Variants in KIRREL2 observed in about 807,000 individuals in gnomAD.
The protein encoded by KIRREL2 is kirre like nephrin family adhesion molecule 2, also known as kin of IRRE-like protein 2.
In KIRREL2, 56 loss-of-function variants were observed where a neutral mutation model predicts 73.4. The ratio of observed to expected loss-of-function variants is 0.76; its 90% CI spans 0.62 to 0.95. The LOEUF (loss-of-function observed/expected upper bound fraction) is 0.95, where lower values mean the gene tolerates loss of function less well. Ranked by LOEUF, KIRREL2 falls within the 40% of genes least tolerant of loss-of-function variation. KIRREL2 has a pLI of 0.00. For missense variants in KIRREL2, 896 were observed against 935.0 expected (o/e 0.96, Z 0.54); for synonymous variants, 407 against 404.0 (o/e 1.01, Z -0.09).
At chr19:35,859,658 G>C in intron 5 of KIRREL2, 27 bp downstream of exon 5, 2 of 1,611,168 alleles carry the variant, frequency 1.2e-6, no homozygotes, top group Non-Finnish European at 1.7e-6. Flanking sequence ...CTGGGAAAGA[G>C]GGGTGTGGGG....
chr19:35,863,747 C>T (rs1191031600), intron 13 of KIRREL2, among the ~76,000 whole-genome samples: 4 of 151,858 alleles, frequency 2.6e-5, no homozygotes, highest in Non-Finnish European at 4.4e-5. Context: ...CCTCCACGCC[C>T]GGCCTGAGGG....
upstream of KIRREL2, chr19:35,856,701 C>T (rs1307538704): frequency 2.9e-6 from 1 of 346,818 alleles, no homozygotes; most frequent in Non-Finnish European, 5.5e-6. The surrounding 1 kb of genome is among the most constrained non-coding windows in gnomAD (Gnocchi z 5.9). Flanking sequence ...GGTGTCCAAC[C>T]CAGCCGGGAC....
chr19:35,864,863 G>GC, intron 14 of KIRREL2, 150 bp downstream of exon 14: 2 of 627,370 alleles, frequency 3.2e-6, no homozygotes, highest in Non-Finnish European at 5.7e-6. Context: ...CACTCCTCCT[G>GC]CCCCCTGGGC....
At position 35,862,003 on chromosome 19, in the gene KIRREL2, C is replaced by T. The variant is rs771987056; in HGVS notation, c.1489C>T (p.Gln497Ter). Residue 497 changes from glutamine (Q) to a stop codon, truncating the protein, a stop_gained, in exon 11 of 15, where the codon CAG becomes TAG. Transcript: ENST00000360202. LOFTEE classifies it high-confidence loss of function. The part of the protein sequence containing the change: ...ARNRLGEGGA[Q>*]ASLGRRDLLP... ...GAACCGGCTGGGCGAGGGAGGTGCC[C>T]AGGCCAGCCTGGGCCGTAGAGGTGA... 8.1e-6 allele frequency: 13 copies of T among 1,610,598 alleles called. No homozygotes were observed. The highest frequency in any genetic ancestry group is 2.7e-5 in the African/African-American group (2 of 74,898).
chr19:35,866,067 G>T (rs1293595748), intron 14 of KIRREL2, 90 bp from the exon 15 acceptor site: 1 of 1,254,796 alleles, frequency 8.0e-7, no homozygotes, highest in Non-Finnish European at 1.1e-6. Flanking sequence ...CTCTCTCAAG[G>T]TCTGGTCTAT....
chr19:35,859,323 A>G (rs1973562096), intron 4 of KIRREL2, among the ~76,000 whole-genome samples, 158 bp from the exon 5 acceptor site: 1 of 152,172 alleles, frequency 6.6e-6, no homozygotes, highest in African/African-American at 2.4e-5. Context: ...TTCTTAAAAC[A>G]TTATGAGACT....
upstream of KIRREL2, chr19:35,856,827 G>T: frequency 2.0e-6 from 1 of 497,044 alleles, no homozygotes; most frequent in South Asian, 2.3e-5. The surrounding 1 kb of genome is among the most constrained non-coding windows in gnomAD (Gnocchi z 5.9). Context: ...TCAGCCGCGG[G>T]AGTTTCTCAA....
In KIRREL2 at chr19:35,862,093, CG is replaced by C; in HGVS notation, c.1510+70del. The C allele has an allele frequency of 2.2e-6, 3 of 1,380,322 alleles. No homozygotes were observed. The Admixed American group carries it at 6.4e-5, about 29-fold the overall frequency. 85.5% of individuals were successfully genotyped at this position (1,380,322 alleles called of 1,614,324 possible). A position where few individuals can be genotyped will look rare whatever the true frequency, so the allele number is the denominator to read the frequency against. On this transcript the variant is annotated intron_variant, in intron 11 of 14. Transcript: ENST00000360202. ...CCCACAAACGCAGGGATCCCCCAGC[CG>C]AGGGCTGCAAAACCTCATACCCTCA...
chr19:35,854,404 C>T (rs1483085698), upstream of KIRREL2, among the ~76,000 whole-genome samples: 1 of 148,896 alleles, frequency 6.7e-6, no homozygotes, highest in African/African-American at 2.5e-5. Context: ...TCACTGCAAC[C>T]TCTGCCTCCC....
At chr19:35,851,537 G>T (rs745815470), upstream of KIRREL2, 1 of 1,613,842 alleles carries the variant, frequency 6.2e-7, no homozygotes, top group South Asian at 1.1e-5. Flanking sequence ...CCCATCTTTG[G>T]CCCATTGCAC....
intron 4 of KIRREL2, among the ~76,000 whole-genome samples, 175 bp from the exon 5 acceptor site, chr19:35,859,306 A>G (rs1201736286): frequency 1.3e-5 from 2 of 152,256 alleles, no homozygotes; most frequent in East Asian, 3.8e-4. Flanking sequence ...CCACAAATTC[A>G]TAAACTTTCT....
intron 7 of KIRREL2, 49 bp from the exon 8 acceptor site, chr19:35,860,860 G>A: frequency 6.2e-7 from 1 of 1,611,176 alleles, no homozygotes; most frequent in Admixed American, 1.7e-5. Flanking sequence ...TCCCAGGTCA[G>A]TGGCTGCATT....
chr19:35,857,252 C>T, intron 1 of KIRREL2, 72 bp downstream of exon 1: 1 of 1,603,928 alleles, frequency 6.2e-7, no homozygotes, highest in South Asian at 1.1e-5. Context: ...TCTTCACTAG[C>T]GAGAAGGGAG....
At chr19:35,862,734 G>C (rs1973761622) in intron 12 of KIRREL2, 137 bp downstream of exon 12, 1 of 735,340 alleles carries the variant, frequency 1.4e-6, no homozygotes. Flanking sequence ...TCTCCTTCAC[G>C]TTCTGGTTCC....
In KIRREL2 at chr19:35,860,822, G is replaced by C. The variant is rs1973637452; in HGVS notation, c.929-87G>C. 5 of 1,601,688 alleles carry C rather than the reference G, an allele frequency of 3.1e-6. No individual in the cohort carries two copies. In the East Asian group the frequency reaches 1.1e-4, roughly 36 times the overall value. On this transcript the variant is annotated intron_variant, in intron 7 of 14. Transcript: ENST00000360202. The stretch of plus-strand genomic sequence containing the variant: ...TGGGGCATATTCTTGCGCCCTAGAG[G>C]GTGTGGTGTTTCTGTGGGGCTGGCT...
chr19:35,864,129 C>A (rs1400521915), intron 13 of KIRREL2, among the ~76,000 whole-genome samples: 4 of 151,884 alleles, frequency 2.6e-5, no homozygotes, highest in African/African-American at 9.7e-5. Flanking sequence ...AAGTCCATGC[C>A]CCTGACCCAA....
At chr19:35,866,021 G>T in intron 14 of KIRREL2, 136 bp from the exon 15 acceptor site, 2 of 775,202 alleles carry the variant, frequency 2.6e-6, no homozygotes, top group East Asian at 2.5e-5. Context: ...GTCCATGTGT[G>T]TCTCTGTGTC....
chr19:35,861,219 G>A lies in KIRREL2; in HGVS notation c.1154G>A (p.Arg385Gln). 6.5e-7 allele frequency: 1 copy of A among 1,539,152 alleles called. No homozygotes were observed. Among genetic ancestry groups the A allele is most frequent in the Non-Finnish European group, 8.7e-7 (1 of 1,151,636 alleles). Residue 385 changes from arginine to glutamine, a missense_variant, in exon 9 of 15, where the codon CGG (arginine) becomes CAG (glutamine). By Grantham distance (43) the Arg-to-Gln change is conservative. Transcript: ENST00000360202. ...CRAEAGLSGL[R>Q]GGAAEARLTV... ...GCTGAGGCTGGGCTATCGGGCCTGC[G>A]GGGCGGCGCCGCGGAGGCTCGGCTG... is the stretch of plus-strand genomic sequence containing the variant.
Position 35,860,965 on chromosome 19 carries a change from G to T in KIRREL2, c.985G>T (p.Ala329Ser). The change falls in exon 8 of 15, where the codon GCT becomes TCT. Residue 329 changes from alanine to serine, a missense_variant. By Grantham distance (99) the Ala-to-Ser change is moderately conservative. Coordinates refer to ENST00000360202, the MANE Select transcript of KIRREL2 (RefSeq NM_199180.4). ...CGTGTCCGTGGACGTGGGGGAAGAC[G>T]CTTCCTTCAGCTGCGCCTGGCGCGG... is the stretch of plus-strand genomic sequence containing the variant. Reference protein sequence around the residue: ...EPVSVDVGEDASFSCAWRGNP... With the variant: ...EPVSVDVGEDSSFSCAWRGNP... The T allele has an allele frequency of 6.2e-7, 1 of 1,613,802 alleles. No individual in the cohort carries two copies. The highest frequency in any genetic ancestry group is 8.5e-7 in the Non-Finnish European group (1 of 1,179,944).
Sources: gnomAD v4.1 joint callset for allele counts (sites outside exome capture counted in the v4.1 genomes callset) on GRCh38, gnomAD v4.1.1 for gene constraint, Gnocchi (gnomAD v3.1) non-coding constraint, MANE v1.5 for transcripts, NCBI Gene and HGNC (gene_info 2026-07-23, HGNC 2026-07-21) for gene names.